NYAP2: variants seen among roughly 807,000 people sequenced by gnomAD.
NYAP2 encodes the protein neuronal tyrosine-phosphorylated phosphoinositide-3-kinase adapter 2.
In NYAP2, 23 loss-of-function variants were observed where a neutral mutation model predicts 50.4. The observed-to-expected ratio is 0.46, with a 90% CI of 0.33 to 0.65. The LOEUF is 0.65. NYAP2 is among the 30% of genes least tolerant of loss of function. The pLI is 0.02. For synonymous variants in NYAP2, 394 were observed against 365.2 expected (o/e 1.08, Z -0.90); for missense variants, 885 against 861.0 (o/e 1.03, Z -0.35).
chr2:225,692,058 C>T, the NYAP2 span, among the ~76,000 whole-genome samples: 9 of 152,130 alleles, frequency 5.9e-5, no homozygotes, highest in Non-Finnish European at 1.3e-4. Context: ...CGACAAGTCT[C>T]AAGACTCCTA....
intron 6 of NYAP2, among the ~76,000 whole-genome samples, chr2:225,637,822 A>C (rs755824677): frequency 6.6e-6 from 1 of 152,180 alleles, no homozygotes; most frequent in Non-Finnish European, 1.5e-5. Flanking sequence ...GAGGGAGTTA[A>C]CCATTTTAAA....
intron 5 of NYAP2, among the ~76,000 whole-genome samples, chr2:225,613,505 T>C (rs1420316137): frequency 6.6e-6 from 1 of 152,178 alleles, no homozygotes; most frequent in African/African-American, 2.4e-5. Flanking sequence ...CTTTATGAGC[T>C]ATCCAGACAT....
At chr2:225,536,797 G>A (rs1284721799) in intron 4 of NYAP2, among the ~76,000 whole-genome samples, 1 of 129,646 alleles carries the variant, frequency 7.7e-6, no homozygotes, top group Non-Finnish European at 1.6e-5. Flanking sequence ...TTTTTTTTTT[G>A]AGACAGAGTC....
Position 225,463,107 on chromosome 2 carries a change from T to C in NYAP2, c.222-50264T>C, listed in dbSNP as rs74584640. ...CTGCCTCTTCCCTCTAGTGGTATAA[T>C]ATATGCATATAGTACATTCTAACAC... is the stretch of plus-strand genomic sequence containing the variant. On this transcript the variant is annotated intron_variant, in intron 3 of 6. Transcript: ENST00000636099. 6.6e-5 allele frequency among the ~76,000 whole-genome samples: 10 copies of C among 152,364 alleles called. No individual in the cohort carries two copies. The East Asian group carries it at 1.7e-3, about 26-fold the overall frequency.
At chr2:225,446,053 AG>A (rs2106144135) in intron 3 of NYAP2, among the ~76,000 whole-genome samples, 1 of 151,818 alleles carries the variant, frequency 6.6e-6, no homozygotes, top group South Asian at 2.1e-4. Context: ...TGGTAGTTCA[AG>A]CCTGTAATCT....
intron 3 of NYAP2, among the ~76,000 whole-genome samples, chr2:225,490,160 G>A (rs541591005): frequency 7.9e-5 from 12 of 152,260 alleles, no homozygotes; most frequent in African/African-American, 2.9e-4. Flanking sequence ...AGTTAGAGGA[G>A]CTTCAATTTG....
At chr2:225,673,012 G>C in the NYAP2 span, among the ~76,000 whole-genome samples, 2 of 150,866 alleles carry the variant, frequency 1.3e-5, no homozygotes, top group African/African-American at 2.4e-5. Flanking sequence ...CTGAGACTGG[G>C]GAAAAAAAAA....
rs375205040 is a variant in NYAP2 at position 225,582,613 on chromosome 2, C to T, written c.1196C>T (p.Ala399Val). The T allele has an allele frequency of 3.8e-6, 6 of 1,593,298 alleles. No individual in the cohort carries two copies. Among genetic ancestry groups the T allele is most frequent in the East Asian group, 2.3e-5 (1 of 43,448 alleles). The change falls in exon 5 of 7, where the codon GCG becomes GTG. Residue 399 changes from alanine to valine, a missense_variant. By Grantham distance (64) the Ala-to-Val change is moderately conservative. Transcript: ENST00000636099. This position sits in a 1 kb window ranked among gnomAD's most constrained non-coding sequence, Gnocchi z 7.0. ...GCGAAACTGGAGAAAGAGCAGGCCG[C>T]GGCCCTGGGACCTGCCTCTGCCACC...
the NYAP2 span, among the ~76,000 whole-genome samples, chr2:225,683,179 A>C: frequency 1.3e-5 from 2 of 152,110 alleles, no homozygotes; most frequent in Non-Finnish European, 2.9e-5. Flanking sequence ...GCCTGAAATA[A>C]TTTTCAGCAA....
intron 3 of NYAP2, among the ~76,000 whole-genome samples, chr2:225,436,510 A>G (rs1689379703): frequency 6.6e-6 from 1 of 152,144 alleles, no homozygotes; most frequent in African/African-American, 2.4e-5. Context: ...TAACGACACC[A>G]GTCACATTGG....
At chr2:225,411,904 AAAT>A in intron 3 of NYAP2, among the ~76,000 whole-genome samples, 1 of 151,668 alleles carries the variant, frequency 6.6e-6, no homozygotes, top group Non-Finnish European at 1.5e-5. Flanking sequence ...AACAGAATGA[AAAT>A]AAAGGATTTG....
chr2:225,569,164 G>C (rs1692019636), intron 4 of NYAP2, among the ~76,000 whole-genome samples: 1 of 152,208 alleles, frequency 6.6e-6, no homozygotes, highest in Non-Finnish European at 1.5e-5. Context: ...TGGGCCCACA[G>C]AGCAGACAAT....
chr2:225,637,192 CT>C (rs1693434075), intron 6 of NYAP2, among the ~76,000 whole-genome samples: 2 of 152,156 alleles, frequency 1.3e-5, no homozygotes, highest in African/African-American at 4.8e-5. Context: ...CATCATCTCA[CT>C]TTAGGAAGTA....
intron 4 of NYAP2, among the ~76,000 whole-genome samples, chr2:225,579,872 A>C (rs1692240912): frequency 2.0e-5 from 3 of 152,238 alleles, no homozygotes; most frequent in African/African-American, 7.2e-5. Flanking sequence ...ATGAAAGCAA[A>C]TTATAATTTA....
intron 6 of NYAP2, among the ~76,000 whole-genome samples, chr2:225,642,476 G>A (rs1440758196): frequency 1.3e-5 from 2 of 152,154 alleles, no homozygotes; most frequent in Non-Finnish European, 2.9e-5. Flanking sequence ...ACAAACAAGT[G>A]TAGAGAGGTC....
rs1477831422 is a variant in NYAP2 at position 225,575,544 on chromosome 2, A to G, written c.524-6397A>G. On this transcript the variant is annotated intron_variant, in intron 4 of 6. Coordinates refer to ENST00000636099, the Ensembl canonical transcript of NYAP2. ...ACTGGGACAGCTTTACTGAAGTTGT[A>G]TGGCTAGGGTTTCATTTTCATTATT... is the stretch of plus-strand genomic sequence containing the variant. Among the ~76,000 whole-genome samples, 4 of 152,180 alleles carry G rather than the reference A, an allele frequency of 2.6e-5. 1 individual carries two copies. The highest frequency in any genetic ancestry group is 9.7e-5 in the African/African-American group (4 of 41,446).
chr2:225,399,460 CTT>C (rs910815493), upstream of NYAP2, among the ~76,000 whole-genome samples: 1 of 151,884 alleles, frequency 6.6e-6, no homozygotes, highest in African/African-American at 2.4e-5. Flanking sequence ...AATAGAATGA[CTT>C]TAATTTTAAC....
chr2:225,611,218 GA>G (rs1692878909), intron 5 of NYAP2, among the ~76,000 whole-genome samples: 1 of 152,090 alleles, frequency 6.6e-6, no homozygotes. Context: ...CTTCTCAGAG[GA>G]AAACTTATAA....
intron 5 of NYAP2, among the ~76,000 whole-genome samples, chr2:225,612,194 A>T (rs1189636373): frequency 1.3e-5 from 2 of 150,022 alleles, no homozygotes; most frequent in African/African-American, 4.9e-5. Context: ...AGTTGTGTAT[A>T]AGATGTACTA....
Sources: gnomAD v4.1 joint callset for allele counts (sites outside exome capture counted in the v4.1 genomes callset) on GRCh38, gnomAD v4.1.1 for gene constraint, Gnocchi (gnomAD v3.1) non-coding constraint, MANE v1.5 for transcripts, NCBI Gene and HGNC (gene_info 2026-07-23, HGNC 2026-07-21) for gene names.